Variants in SRGAP2 observed in about 807,000 individuals in gnomAD.
SRGAP2 encodes the protein SLIT-ROBO Rho GTPase activating protein 2, also known as SLIT-ROBO Rho GTPase-activating protein 2.
In SRGAP2, 15 loss-of-function variants were observed where a neutral mutation model predicts 57.2. The ratio of observed to expected loss-of-function variants is 0.26; its 90% CI spans 0.18 to 0.40. The LOEUF (loss-of-function observed/expected upper bound fraction) is 0.40, where lower values mean the gene tolerates loss of function less well. Ranked by LOEUF, SRGAP2 falls within the 10% of genes least tolerant of loss-of-function variation. SRGAP2 has a pLI of 1.00. For synonymous variants in SRGAP2, 249 were observed against 248.0 expected (o/e 1.00, Z -0.04); for missense variants, 520 against 669.6 (o/e 0.78, Z 2.47).
rs190193909 is a variant in SRGAP2, at chr1:206,425,190, A to G, written c.1494+3916A>G. Reference sequence around the variant, plus strand: ...AACCTAGGACCAACAAAACTATGCAAACGCTCATATCACTAACTTCATTAT... The same window carrying G: ...AACCTAGGACCAACAAAACTATGCAGACGCTCATATCACTAACTTCATTAT... On this transcript the variant is annotated intron_variant, in intron 13 of 22. Coordinates refer to ENST00000573034, the MANE Select transcript of SRGAP2 (RefSeq NM_015326.5). Among the ~76,000 whole-genome samples the G allele has an allele frequency of 8.5e-5, 13 of 152,330 alleles. No homozygotes were observed. In the East Asian group the frequency reaches 2.1e-3, roughly 25 times the overall value.
chr1:206,347,062 C>G (rs1452405356), intron 4 of SRGAP2, among the ~76,000 whole-genome samples: 1 of 147,464 alleles, frequency 6.8e-6, no homozygotes, highest in Non-Finnish European at 1.5e-5. Context: ...GGCAACATAG[C>G]AAGACTCTGT....
At chr1:206,448,631 G>T (rs1662972805) in intron 18 of SRGAP2, among the ~76,000 whole-genome samples, 1 of 152,114 alleles carries the variant, frequency 6.6e-6, no homozygotes, top group African/African-American at 2.4e-5. Flanking sequence ...TGAAGATGGG[G>T]CGCTGTTTTT....
Position 206,305,812 on chromosome 1 carries a change from G to C in SRGAP2, c.260+2339G>C, listed in dbSNP as rs1460551890. 1.2e-3 allele frequency among the ~76,000 whole-genome samples: 183 copies of C among 151,738 alleles called. 2 individuals are homozygous for C. The highest frequency in any genetic ancestry group is 1.3e-3 in the Non-Finnish European group (85 of 67,930). ...AGCCAGCTCTGTGCAATGAAGATGG[G>C]GTTAAGGTTGAGGAGAACATGACAT... On this transcript the variant is annotated intron_variant, in intron 3 of 22. Coordinates refer to ENST00000573034, the MANE Select transcript of SRGAP2 (RefSeq NM_015326.5).
In SRGAP2 at chr1:206,281,934, A is replaced by C. The variant is rs1457359763; in HGVS notation, c.68-21347A>C. 3.0e-4 allele frequency among the ~76,000 whole-genome samples: 45 copies of C among 151,932 alleles called. 1 individual carries two copies. In the East Asian group the frequency reaches 8.1e-3, roughly 27 times the overall value. ...GTCACAAAAAAAAAAACAAAAAAAA[A>C]CCTTTTCTTTGTTGGAACCTGTAAC... On this transcript the variant is annotated intron_variant, in intron 2 of 22. Transcript: ENST00000573034.
intron 7 of SRGAP2, among the ~76,000 whole-genome samples, chr1:206,396,928 A>G (rs1657653797): frequency 6.7e-6 from 1 of 150,270 alleles, no homozygotes; most frequent in Non-Finnish European, 1.5e-5. Flanking sequence ...TGTACCTTTC[A>G]ATATGGTTTT....
rs529114379 is a variant in SRGAP2 at position 206,454,785 on chromosome 1, T to A, written c.2361-93T>A. On this transcript the variant is annotated intron_variant, in intron 20 of 22. Transcript: ENST00000573034. The surrounding 1 kb of genome is among the most constrained non-coding windows in gnomAD (Gnocchi z 4.3). ...TGCCTCAGAGCTGTGTGGGGTCGCG[T>A]GTATGTCGGGGGGCCATCTTGCCGA... is the stretch of plus-strand genomic sequence containing the variant. 1.3e-4 allele frequency: 82 copies of A among 651,280 alleles called. No individual in the cohort carries two copies. Among genetic ancestry groups the A allele is most frequent in the Middle Eastern group, 1.2e-3 (3 of 2,406 alleles). The allele number at this position is 651,280 out of a possible 1,614,324, so 40.3% of individuals were successfully genotyped here.
At chr1:206,446,405 A>C (rs981405928) in intron 18 of SRGAP2, 106 bp downstream of exon 18, 13 of 714,496 alleles carry the variant, frequency 1.8e-5, no homozygotes, top group South Asian at 6.2e-5. Flanking sequence ...GATCCTCCCA[A>C]CTCCTCACTC....
chr1:206,333,183 C>T (rs1415317707), intron 3 of SRGAP2: 103 of 449,754 alleles, frequency 2.3e-4, no homozygotes, highest in Middle Eastern at 1.4e-3. Context: ...TCTCCAGCTG[C>T]GTGCTGGGAG....
intron 2 of SRGAP2, among the ~76,000 whole-genome samples, chr1:206,227,013 C>T (rs563529597): frequency 3.3e-5 from 5 of 152,162 alleles, no homozygotes; most frequent in East Asian, 1.9e-4. Flanking sequence ...CCTCTGAATA[C>T]GGATGGGTAA....
rs782108315 is a variant in SRGAP2, at chr1:206,377,481, A to ATT, written c.424-6515_424-6514dup. ...TAATAGCTGGATTTTTTGAAATCAG[A>ATT]TTTTTTTTTTTTTTTTTTTGGCAAG... On this transcript the variant is annotated intron_variant, in intron 4 of 22. Coordinates refer to ENST00000573034, the MANE Select transcript of SRGAP2 (RefSeq NM_015326.5). Among the ~76,000 whole-genome samples the ATT allele has an allele frequency of 5.7e-3, 569 of 98,964 alleles. 7 individuals are homozygous for ATT. The highest frequency in any genetic ancestry group is 0.011 in the African/African-American group (261 of 23,502). The allele number at this position is 98,964 out of a possible 152,430, so 64.9% of individuals were successfully genotyped here.
intron 2 of SRGAP2, among the ~76,000 whole-genome samples, chr1:206,216,429 C>CT (rs1337794526): frequency 6.6e-6 from 1 of 151,526 alleles, no homozygotes; most frequent in Non-Finnish European, 1.5e-5. Context: ...CACTAAAAGT[C>CT]TAAGTTTGAG....
chr1:206,340,363 C>T (rs1553334843), intron 3 of SRGAP2, among the ~76,000 whole-genome samples: 1 of 140,188 alleles, frequency 7.1e-6, no homozygotes, highest in East Asian at 2.3e-4. Flanking sequence ...CTTTGTCTCC[C>T]TTACTATATT....
intron 13 of SRGAP2, 126 bp downstream of exon 13, chr1:206,421,400 A>T (rs892635209): frequency 2.0e-6 from 1 of 511,886 alleles, no homozygotes; most frequent in Non-Finnish European, 3.5e-6. Context: ...GGAATGTATC[A>T]TTTAGTCATA....
chr1:206,359,798 CTTTTTTTTTTT>C lies in SRGAP2; in HGVS notation c.423+16806_423+16816del, dbSNP rs1166916482. Among the ~76,000 whole-genome samples the C allele has an allele frequency of 9.6e-3, 675 of 70,248 alleles. 11 individuals are homozygous for C. The highest frequency in any genetic ancestry group is 0.038 in the African/African-American group (644 of 16,928). The allele number at this position is 70,248 out of a possible 152,430, so 46.1% of individuals were successfully genotyped here. On this transcript the variant is annotated intron_variant, in intron 4 of 22. Transcript: ENST00000573034. ...AGGATGGGGTACAAGGGATATTGCT[CTTTTTTTTTTT>C]TTTTTTTTTTTTTTTGAGACGGAGT...
chr1:206,209,724 C>A (rs1666188070), intron 2 of SRGAP2, among the ~76,000 whole-genome samples: 1 of 151,466 alleles, frequency 6.6e-6, no homozygotes. Flanking sequence ...TCAAGGACTA[C>A]CCCCACTTCC....
intron 3 of SRGAP2, among the ~76,000 whole-genome samples, chr1:206,303,869 GTCTCTCTCTC>G (rs1280432631): frequency 2.3e-4 from 30 of 133,240 alleles, no homozygotes; most frequent in South Asian, 5.4e-4. Flanking sequence ...CTTAATCTCT[GTCTCTCTCTC>G]TCTCTCTCTC....
intron 2 of SRGAP2, among the ~76,000 whole-genome samples, chr1:206,291,655 A>G (rs1445261143): frequency 5.3e-5 from 8 of 150,158 alleles, no homozygotes; most frequent in South Asian, 2.1e-4. Context: ...TAGTGACTCA[A>G]TAGGAGCCTA....
chr1:206,360,055 C>T (rs1345522336), intron 4 of SRGAP2, among the ~76,000 whole-genome samples: 1 of 151,884 alleles, frequency 6.6e-6, no homozygotes, highest in Non-Finnish European at 1.5e-5. Context: ...ATCCGCCCGC[C>T]TCGGCCTCCC....
At chr1:206,370,386 G>T (rs1654422462) in intron 4 of SRGAP2, among the ~76,000 whole-genome samples, 1 of 152,194 alleles carries the variant, frequency 6.6e-6, no homozygotes, top group Non-Finnish European at 1.5e-5. Context: ...AACAAAATGT[G>T]TCATGTCCAT....
Sources: gnomAD v4.1 joint callset for allele counts (sites outside exome capture counted in the v4.1 genomes callset) on GRCh38, gnomAD v4.1.1 for gene constraint, Gnocchi (gnomAD v3.1) non-coding constraint, MANE v1.5 for transcripts, NCBI Gene and HGNC (gene_info 2026-07-23, HGNC 2026-07-21) for gene names.